The following ZMAT4 variants were observed in gnomAD, a reference collection of about 807,000 sequenced individuals.
ZMAT4 encodes the protein zinc finger matrin-type protein 4.
A neutral mutation model predicts 28.7 loss-of-function variants in ZMAT4; 17 were observed. The observed-to-expected ratio is 0.59, with a 90% CI of 0.41 to 0.89. ZMAT4 has a LOEUF of 0.89. ZMAT4 is among the 40% of genes least tolerant of loss of function. The probability of loss-of-function intolerance (pLI) is 0.00; values close to 1 mark genes in which losing one functional copy is unlikely to be tolerated. For synonymous variants in ZMAT4, 117 were observed against 109.2 expected, an observed-to-expected ratio of 1.07 and a Z score of -0.44; for missense variants, 240 against 283.8, an observed-to-expected ratio of 0.85 and a Z score of 1.11.
At chr8:40,798,586 G>A (rs1360789689) in intron 2 of ZMAT4, among the ~76,000 whole-genome samples, 1 of 152,136 alleles carries the variant, frequency 6.6e-6, no homozygotes, top group East Asian at 1.9e-4. Context: ...GAGCCACAGA[G>A]GTCCCTGCTG....
intron 5 of ZMAT4, among the ~76,000 whole-genome samples, chr8:40,658,377 A>G (rs1003081301): frequency 6.6e-6 from 1 of 152,142 alleles, no homozygotes; most frequent in Non-Finnish European, 1.5e-5. Context: ...TTCCTCCAGA[A>G]CATCGATTTT....
At chr8:40,599,420 G>A (rs529230712) in intron 5 of ZMAT4, among the ~76,000 whole-genome samples, 122 of 152,162 alleles carry the variant, frequency 8.0e-4, no homozygotes, top group Non-Finnish European at 1.3e-3. Context: ...TGTGTGTGTA[G>A]ACATAAACGT....
intron 5 of ZMAT4, among the ~76,000 whole-genome samples, chr8:40,622,483 G>A (rs1245505901): frequency 6.6e-6 from 1 of 152,192 alleles, no homozygotes; most frequent in Non-Finnish European, 1.5e-5. Context: ...TTACCAACTG[G>A]GTGAAGTTGC....
At chr8:40,724,393 T>A (rs762438642) in intron 3 of ZMAT4, among the ~76,000 whole-genome samples, 1 of 152,218 alleles carries the variant, frequency 6.6e-6, no homozygotes, top group Non-Finnish European at 1.5e-5. Context: ...GGTTCAGTAG[T>A]GTGTTCTGAC....
intron 1 of ZMAT4, among the ~76,000 whole-genome samples, chr8:40,866,269 G>T (rs1453631329): frequency 6.6e-6 from 1 of 152,214 alleles, no homozygotes; most frequent in East Asian, 1.9e-4. Flanking sequence ...AGAGGACTTA[G>T]GGCTATGGGC....
rs371367128 is a variant in ZMAT4, at chr8:40,859,104, T to C, written c.-4-33424A>G. ...TGGACCAGGGCTGCTGGCGCCTGCC[T>C]TTCCGGTCCTGACCTCAGCAACTTC... On this transcript the variant is annotated intron_variant, in intron 1 of 6. Transcript: ENST00000297737. Among the ~76,000 whole-genome samples the C allele has an allele frequency of 7.2e-5, 11 of 152,328 alleles. No homozygotes were observed. In the South Asian group the frequency reaches 2.3e-3, roughly 32 times the overall value.
At chr8:40,613,993 C>T (rs115253172) in intron 5 of ZMAT4, among the ~76,000 whole-genome samples, 39 of 152,358 alleles carry the variant, frequency 2.6e-4, no homozygotes, top group African/African-American at 9.1e-4. Flanking sequence ...CTGTCCTTGA[C>T]ATGGAGAGTC....
In ZMAT4 at chr8:40,601,705, A is replaced by AAAAG. The variant is rs149230517; in HGVS notation, c.578-20448_578-20445dup. On this transcript the variant is annotated intron_variant, in intron 5 of 6. Transcript: ENST00000297737. ...GAAAGAAAGAAAGAAAGAAAGAAAG[A>AAAAG]AAAGAAAGAAAGAAAGAAAGAAAGA... 3.6e-4 allele frequency among the ~76,000 whole-genome samples: 12 copies of AAAAG among 33,054 alleles called. 1 individual carries two copies. Among genetic ancestry groups the AAAAG allele is most frequent in the African/African-American group, 1.3e-3 (12 of 9,544 alleles). 21.7% of individuals were successfully genotyped at this position (33,054 alleles called of 152,430 possible).
chr8:40,659,062 G>A (rs1808066210), intron 5 of ZMAT4, among the ~76,000 whole-genome samples: 1 of 152,106 alleles, frequency 6.6e-6, no homozygotes, highest in Non-Finnish European at 1.5e-5. Flanking sequence ...CCATTCGCAT[G>A]GTAACCACAC....
intron 4 of ZMAT4, among the ~76,000 whole-genome samples, chr8:40,688,293 T>C (rs1275693060): frequency 6.6e-6 from 1 of 151,978 alleles, no homozygotes; most frequent in Non-Finnish European, 1.5e-5. Context: ...CCATCTCTAC[T>C]AAAAATACAA....
intron 5 of ZMAT4, among the ~76,000 whole-genome samples, chr8:40,671,594 A>G (rs1476896041): frequency 6.6e-6 from 1 of 152,240 alleles, no homozygotes; most frequent in African/African-American, 2.4e-5. Flanking sequence ...GATTCCACTT[A>G]TATGGAGTTT....
intron 5 of ZMAT4, among the ~76,000 whole-genome samples, chr8:40,610,007 T>C (rs762348289): frequency 1.1e-4 from 16 of 152,232 alleles, no homozygotes; most frequent in Non-Finnish European, 1.8e-4. Context: ...ATCTTTACAA[T>C]TGTTAGAAGA....
At chr8:40,713,266 C>T (rs377287920) in intron 3 of ZMAT4, among the ~76,000 whole-genome samples, 164 of 151,944 alleles carry the variant, frequency 1.1e-3, no homozygotes, top group African/African-American at 3.6e-3. Context: ...ATAATGAAAC[C>T]ATAAAGTCAC....
chr8:40,886,425 G>A (rs1263570198), intron 1 of ZMAT4, among the ~76,000 whole-genome samples: 1 of 152,232 alleles, frequency 6.6e-6, no homozygotes, highest in Non-Finnish European at 1.5e-5. Flanking sequence ...AGCCCAGGAA[G>A]GGTGAGTGGA....
At position 40,613,234 on chromosome 8, in the gene ZMAT4, G is replaced by C. The variant is rs550099778; in HGVS notation, c.578-31973C>G. Reference sequence around the variant, plus strand: ...GTCTCACTCTGTCACTCAGGCTGGAGTACAGCAGTGGGATCTCAGCTCACT... The same window carrying C: ...GTCTCACTCTGTCACTCAGGCTGGACTACAGCAGTGGGATCTCAGCTCACT... On this transcript the variant is annotated intron_variant, in intron 5 of 6. Coordinates refer to ENST00000297737, the MANE Select transcript of ZMAT4 (RefSeq NM_024645.3). 2.4e-5 allele frequency among the ~76,000 whole-genome samples: 3 copies of C among 127,120 alleles called. No homozygotes were observed. The East Asian group carries it at 7.4e-4, about 31-fold the overall frequency. The allele number at this position is 127,120 out of a possible 152,430, so 83.4% of individuals were successfully genotyped here.
chr8:40,750,289 C>A (rs575198952), intron 3 of ZMAT4, among the ~76,000 whole-genome samples: 26 of 152,278 alleles, frequency 1.7e-4, no homozygotes, highest in Non-Finnish European at 3.7e-4. Flanking sequence ...AAACAGACTT[C>A]TTCGTTCTGC....
intron 2 of ZMAT4, among the ~76,000 whole-genome samples, chr8:40,821,096 G>A (rs1385705527): frequency 6.7e-6 from 1 of 149,040 alleles, no homozygotes; most frequent in Non-Finnish European, 1.5e-5. Flanking sequence ...ATGTGTATGG[G>A]GGGAGTGTGT....
chr8:40,565,609 T>A (rs1371468888), intron 6 of ZMAT4, among the ~76,000 whole-genome samples: 1 of 130,546 alleles, frequency 7.7e-6, no homozygotes, highest in Non-Finnish European at 1.7e-5. Context: ...AACTCCTGTC[T>A]TCAGGTGATC....
At chr8:40,862,570 T>TAAAAAAAAAAATAAAAAAAAAAA (rs1817535128) in intron 1 of ZMAT4, among the ~76,000 whole-genome samples, 1 of 90,040 alleles carries the variant, frequency 1.1e-5, no homozygotes, top group African/African-American at 5.1e-5. Context: ...TAGAGTATAA[T>TAAAAAAAAAAATAAAAAAAAAAA]AAAAAAAAAA....
Sources: allele counts gnomAD v4.1 joint callset (sites outside exome capture counted in the v4.1 genomes callset), GRCh38; gene constraint gnomAD v4.1.1; transcripts MANE v1.5; gene names NCBI Gene and HGNC (gene_info 2026-07-23, HGNC 2026-07-21).